CCSER1: variants seen among roughly 807,000 people sequenced by gnomAD.
CCSER1 encodes serine-rich coiled-coil domain-containing protein 1.
A neutral mutation model predicts 82.0 loss-of-function variants in CCSER1; 41 were observed. That is an observed-to-expected ratio of 0.50 (90% confidence interval 0.39 to 0.65). The LOEUF (loss-of-function observed/expected upper bound fraction) is 0.65, where lower values mean the gene tolerates loss of function less well. Ranked by LOEUF, CCSER1 falls within the 30% of genes least tolerant of loss-of-function variation. The probability of loss-of-function intolerance (pLI) is 0.00; values close to 1 mark genes in which losing one functional copy is unlikely to be tolerated. For synonymous variants in CCSER1, 414 were observed against 383.9 expected (o/e 1.08, Z -0.92); for missense variants, 1,119 against 1,064.2 (o/e 1.05, Z -0.72).
chr4:91,219,509 G>A (rs2149097612), intron 10 of CCSER1, among the ~76,000 whole-genome samples: 1 of 152,018 alleles, frequency 6.6e-6, no homozygotes, highest in Non-Finnish European at 1.5e-5. Flanking sequence ...CACCATGTTG[G>A]CCAGGCTGGT....
chr4:90,980,992 A>G (rs1050348699), intron 9 of CCSER1, among the ~76,000 whole-genome samples: 3 of 151,798 alleles, frequency 2.0e-5, no homozygotes, highest in African/African-American at 7.2e-5. Flanking sequence ...GCAGTCAGCT[A>G]TCACCTTTGC....
At chr4:91,281,115 A>G (rs963803780) in intron 10 of CCSER1, among the ~76,000 whole-genome samples, 2 of 152,012 alleles carry the variant, frequency 1.3e-5, no homozygotes, top group Admixed American at 1.3e-4. Context: ...TCAGTAACTT[A>G]CCCTTCCCTT....
intron 10 of CCSER1, among the ~76,000 whole-genome samples, chr4:91,173,251 T>C (rs1732953589): frequency 6.6e-6 from 1 of 152,158 alleles, no homozygotes; most frequent in Admixed American, 6.6e-5. Context: ...ATTTCAGTCT[T>C]GTAGGTCATA....
intron 6 of CCSER1, among the ~76,000 whole-genome samples, chr4:90,700,230 A>G (rs1167688155): frequency 6.6e-6 from 1 of 152,050 alleles, no homozygotes; most frequent in Non-Finnish European, 1.5e-5. Flanking sequence ...GAGTGAGAAC[A>G]TGTGGTGTGT....
At chr4:90,618,029 T>C (rs1346426067) in intron 5 of CCSER1, among the ~76,000 whole-genome samples, 1 of 152,022 alleles carries the variant, frequency 6.6e-6, no homozygotes, top group African/African-American at 2.4e-5. Context: ...GAAAATCTGT[T>C]TCTAGTTGAA....
Position 90,252,089 on chromosome 4 carries a change from C to T in CCSER1, c.-41-56155C>T, listed in dbSNP as rs181288821. ...CTTTTTAAATACAGGTTGAGTATCC[C>T]GTATCTGAAATGCATGGAATTAGAA... is the stretch of plus-strand genomic sequence containing the variant. On this transcript the variant is annotated intron_variant, in intron 1 of 10. Coordinates refer to ENST00000509176, the MANE Select transcript of CCSER1 (RefSeq NM_001145065.2). 2.1e-3 allele frequency among the ~76,000 whole-genome samples: 314 copies of T among 151,790 alleles called. 2 individuals carry two copies. Among genetic ancestry groups the T allele is most frequent in the African/African-American group, 6.7e-3 (276 of 41,492 alleles).
At chr4:90,802,376 AT>A (rs1756951043) in intron 7 of CCSER1, among the ~76,000 whole-genome samples, 1 of 150,452 alleles carries the variant, frequency 6.6e-6, no homozygotes, top group Admixed American at 6.6e-5. Flanking sequence ...TATCCTAAAA[AT>A]ATTATGCTTT....
At chr4:90,834,027 G>A (rs971483394) in intron 8 of CCSER1, among the ~76,000 whole-genome samples, 2 of 152,044 alleles carry the variant, frequency 1.3e-5, no homozygotes, top group Admixed American at 6.6e-5. Flanking sequence ...CTCCAAGACC[G>A]TGAGCTACAT....
intron 7 of CCSER1, among the ~76,000 whole-genome samples, chr4:90,812,822 C>A (rs903739671): frequency 6.6e-6 from 1 of 152,008 alleles, no homozygotes; most frequent in African/African-American, 2.4e-5. Flanking sequence ...CACTTTTAAG[C>A]CATCAGATCT....
intron 8 of CCSER1, among the ~76,000 whole-genome samples, chr4:90,899,093 ATTTC>A (rs1398165950): frequency 1.3e-5 from 2 of 151,716 alleles, no homozygotes; most frequent in African/African-American, 4.8e-5. Context: ...ATGTTTCTCT[ATTTC>A]TTTGTGTCAT....
intron 6 of CCSER1, among the ~76,000 whole-genome samples, chr4:90,698,723 C>T (rs184358898): frequency 1.2e-3 from 185 of 152,158 alleles, no homozygotes; most frequent in Non-Finnish European, 1.9e-3. Flanking sequence ...AATTAACCGA[C>T]AATAGACAGG....
chr4:90,298,841 C>G (rs899469061), intron 1 of CCSER1, among the ~76,000 whole-genome samples: 42 of 152,058 alleles, frequency 2.8e-4, no homozygotes, highest in African/African-American at 8.9e-4. Context: ...TTCACTGTGT[C>G]TAAACCTTAG....
chr4:91,298,676 GT>G (rs1744420024), intron 10 of CCSER1, among the ~76,000 whole-genome samples: 1 of 151,986 alleles, frequency 6.6e-6, no homozygotes. Context: ...CTTCTTTACA[GT>G]TTTAAGTTAA....
intron 1 of CCSER1, among the ~76,000 whole-genome samples, chr4:90,143,831 T>C (rs1397926008): frequency 6.6e-6 from 1 of 151,862 alleles, no homozygotes; most frequent in Non-Finnish European, 1.5e-5. Flanking sequence ...ACCACAGGCA[T>C]GTGTCACCAT....
chr4:91,407,830 C>T (rs185818299), intron 10 of CCSER1, among the ~76,000 whole-genome samples: 10 of 152,224 alleles, frequency 6.6e-5, no homozygotes, highest in East Asian at 1.9e-4. Context: ...TCCCAGGAGG[C>T]GCCACTTCCA....
chr4:90,255,007 ACACG>A (rs1224411449), intron 1 of CCSER1, among the ~76,000 whole-genome samples: 1 of 150,646 alleles, frequency 6.6e-6, no homozygotes, highest in Non-Finnish European at 1.5e-5. Flanking sequence ...ACACACACAC[ACACG>A]CACACTTTAT....
intron 10 of CCSER1, among the ~76,000 whole-genome samples, chr4:91,297,389 G>GTGTGTA (rs1744289487): frequency 2.2e-5 from 2 of 89,808 alleles, no homozygotes; most frequent in Non-Finnish European, 4.5e-5. Flanking sequence ...GTGTGTATGT[G>GTGTGTA]TGTGTGTGTG....
At chr4:90,707,457 G>A (rs1480118653) in intron 6 of CCSER1, among the ~76,000 whole-genome samples, 1 of 150,644 alleles carries the variant, frequency 6.6e-6, no homozygotes, top group Admixed American at 6.6e-5. Flanking sequence ...CAACACCTTG[G>A]AAATCATTCT....
chr4:91,074,374 G>T (rs929523001), intron 9 of CCSER1, among the ~76,000 whole-genome samples: 1 of 151,924 alleles, frequency 6.6e-6, no homozygotes, highest in Non-Finnish European at 1.5e-5. Context: ...TGCCAATAAG[G>T]GCAGCAACAT....
Sources: allele counts gnomAD v4.1 joint callset (sites outside exome capture counted in the v4.1 genomes callset), GRCh38; gene constraint gnomAD v4.1.1; transcripts MANE v1.5; gene names NCBI Gene and HGNC (gene_info 2026-07-23, HGNC 2026-07-21).